The following SCFD2 variants were observed in gnomAD, a reference collection of about 807,000 sequenced individuals.
SCFD2 encodes the protein sec1 family domain containing 2, also known as sec1 family domain-containing protein 2.
A neutral mutation model predicts 58.9 loss-of-function variants in SCFD2; 54 were observed. The ratio of observed to expected loss-of-function variants is 0.92; its 90% CI spans 0.74 to 1.15. The LOEUF (loss-of-function observed/expected upper bound fraction) is 1.15. Among genes scored for constraint, SCFD2 ranks in the 50% most tolerant of loss-of-function variants. SCFD2 has a pLI of 0.00. For synonymous variants in SCFD2, 321 were observed against 335.9 expected, an observed-to-expected ratio of 0.96 and a Z score of 0.49; for missense variants, 805 against 836.6, an observed-to-expected ratio of 0.96 and a Z score of 0.47.
chr4:52,907,703 C>A, intron 6 of SCFD2, 112 bp from the exon 7 acceptor site: 1 of 861,416 alleles, frequency 1.2e-6, no homozygotes, highest in Non-Finnish European at 1.9e-6. Flanking sequence ...CTGAGCAATG[C>A]CTATATGTGT....
chr4:53,268,690 CA>C (rs945586443), intron 4 of SCFD2, among the ~76,000 whole-genome samples: 13 of 152,036 alleles, frequency 8.6e-5, no homozygotes, highest in African/African-American at 2.7e-4. Flanking sequence ...AAGGCAGAGG[CA>C]GGGGCAGCAC....
rs763771497 is a variant in SCFD2, at chr4:53,365,751, A to G, written c.191T>C (p.Ile64Thr). 3 of 1,613,708 alleles carry G rather than the reference A, an allele frequency of 1.9e-6. No homozygotes were observed. The highest frequency in any genetic ancestry group is 8.5e-7 in the Non-Finnish European group (1 of 1,179,860). ...CHLREFEPDA[I>T]GGGAKQPKAV... The stretch of plus-strand genomic sequence containing the variant: ...CTTGGGCTGCTTGGCTCCACCACCA[A>G]TTGCGTCGGGCTCGAACTCTCGCAG... The change falls in exon 1 of 9, where the codon ATT (isoleucine) becomes ACT (threonine). Residue 64 changes from isoleucine (I) to threonine (T), a missense_variant. Physicochemically the swap from Ile to Thr is moderately conservative, Grantham distance 89. Around this residue, in one of 3 missense-constraint regions of SCFD2, gnomAD observed 155 missense variants for 149.7 expected, o/e 1.04. Transcript: ENST00000401642. The surrounding 1 kb of genome is among the most constrained non-coding windows in gnomAD (Gnocchi z 4.3).
At chr4:53,116,452 A>C (rs919269787) in intron 5 of SCFD2, among the ~76,000 whole-genome samples, 4 of 152,208 alleles carry the variant, frequency 2.6e-5, no homozygotes, top group African/African-American at 9.7e-5. Context: ...CATGCCTCTT[A>C]TGTCCACACT....
chr4:53,174,838 G>T (rs1441470423), intron 4 of SCFD2, among the ~76,000 whole-genome samples: 1 of 152,200 alleles, frequency 6.6e-6, no homozygotes, highest in Admixed American at 6.5e-5. Flanking sequence ...TCAGTCAAAA[G>T]AAATGACATT....
intron 4 of SCFD2, among the ~76,000 whole-genome samples, chr4:53,265,848 T>C (rs1730969452): frequency 6.6e-6 from 1 of 152,090 alleles, no homozygotes; most frequent in Admixed American, 6.6e-5. Context: ...CAAGTGATCC[T>C]CCTGCCTCAG....
chr4:53,040,064 C>A (rs1249329876), intron 5 of SCFD2, among the ~76,000 whole-genome samples: 1 of 152,184 alleles, frequency 6.6e-6, no homozygotes, highest in Non-Finnish European at 1.5e-5. Context: ...TAACAAATCA[C>A]CTCCATCAGC....
chr4:53,160,184 G>A (rs1400498700), intron 4 of SCFD2, among the ~76,000 whole-genome samples: 1 of 152,206 alleles, frequency 6.6e-6, no homozygotes. Flanking sequence ...GGGTGGTGTA[G>A]CCGGCCCATT....
intron 5 of SCFD2, among the ~76,000 whole-genome samples, chr4:52,998,888 C>T (rs1270043226): frequency 6.6e-6 from 1 of 152,138 alleles, no homozygotes; most frequent in African/African-American, 2.4e-5. Flanking sequence ...TGTTATGATC[C>T]ATTCCAACAG....
intron 4 of SCFD2, among the ~76,000 whole-genome samples, chr4:53,258,718 C>T (rs1478516475): frequency 6.6e-6 from 1 of 151,408 alleles, no homozygotes; most frequent in African/African-American, 2.4e-5. Flanking sequence ...CCTATAATGA[C>T]TTCTTTTCCT....
At chr4:53,216,800 C>G (rs1728855778) in intron 4 of SCFD2, among the ~76,000 whole-genome samples, 1 of 152,174 alleles carries the variant, frequency 6.6e-6, no homozygotes, top group South Asian at 2.1e-4. Flanking sequence ...ATAAATTTCC[C>G]TCTACACACT....
At chr4:53,122,232 C>T (rs890607391) in intron 5 of SCFD2, among the ~76,000 whole-genome samples, 3 of 152,122 alleles carry the variant, frequency 2.0e-5, no homozygotes, top group African/African-American at 4.8e-5. Flanking sequence ...CAAAAATTAG[C>T]TGGGCATGGT....
chr4:53,350,304 G>A (rs1734178670), intron 2 of SCFD2, among the ~76,000 whole-genome samples: 1 of 152,172 alleles, frequency 6.6e-6, no homozygotes. Flanking sequence ...GCCAAGAAAA[G>A]TCAGTCTTAC....
chr4:53,111,988 T>C (rs577060284), intron 5 of SCFD2, among the ~76,000 whole-genome samples: 163 of 152,098 alleles, frequency 1.1e-3, no homozygotes, highest in African/African-American at 3.7e-3. Flanking sequence ...CAAAGATAAA[T>C]GTGCTAAAAA....
chr4:52,949,423 C>T (rs1165925432), intron 5 of SCFD2: 1 of 152,198 alleles, frequency 6.6e-6, no homozygotes, highest in African/African-American at 2.4e-5. Context: ...GCATTCATCT[C>T]CCACAGCCAT....
At chr4:53,061,701 G>A (rs923876465) in intron 5 of SCFD2, among the ~76,000 whole-genome samples, 8 of 152,110 alleles carry the variant, frequency 5.3e-5, no homozygotes, top group Admixed American at 2.0e-4. Context: ...CACCCTATGT[G>A]TGAAGCGCTT....
At chr4:53,326,911 A>G (rs924118934) in intron 2 of SCFD2, among the ~76,000 whole-genome samples, 4 of 152,168 alleles carry the variant, frequency 2.6e-5, no homozygotes, top group African/African-American at 7.2e-5. Context: ...AAGTATACAG[A>G]CATTATTTTA....
At chr4:53,337,426 A>G (rs556954750) in intron 2 of SCFD2, among the ~76,000 whole-genome samples, 1 of 152,180 alleles carries the variant, frequency 6.6e-6, no homozygotes, top group Non-Finnish European at 1.5e-5. Flanking sequence ...TCAACATATG[A>G]ACTTGGGAGG....
chr4:53,094,936 T>C (rs1724574856), intron 5 of SCFD2, among the ~76,000 whole-genome samples: 1 of 152,134 alleles, frequency 6.6e-6, no homozygotes, highest in Admixed American at 6.6e-5. Context: ...AATACAATGG[T>C]CAAAACTCAG....
intron 3 of SCFD2, among the ~76,000 whole-genome samples, chr4:53,292,099 G>A (rs1731860348): frequency 1.3e-5 from 2 of 151,766 alleles, no homozygotes; most frequent in South Asian, 2.1e-4. Context: ...AAAAACCCTA[G>A]AAGAAAATCT....
Sources: allele counts gnomAD v4.1 joint callset (sites outside exome capture counted in the v4.1 genomes callset), GRCh38; gene constraint gnomAD v4.1.1; regional missense constraint gnomAD v4.1.1; non-coding constraint Gnocchi (gnomAD v3.1); transcripts MANE v1.5; gene names NCBI Gene and HGNC (gene_info 2026-07-23, HGNC 2026-07-21).